Variants in VBP1 observed in about 807,000 individuals in gnomAD.
VBP1 encodes prefoldin subunit 3.
VBP1 carries 4 observed loss-of-function variants against 15.5 expected under a neutral mutation model. The observed-to-expected ratio is 0.26, with a 90% CI of 0.13 to 0.59. The LOEUF (loss-of-function observed/expected upper bound fraction) is 0.59, where lower values mean the gene tolerates loss of function less well. Among genes scored for constraint, VBP1 ranks in the 20% least tolerant of loss-of-function variants. The probability of loss-of-function intolerance (pLI) is 0.90; values close to 1 mark genes in which losing one functional copy is unlikely to be tolerated. For synonymous variants in VBP1, 61 were observed against 52.1 expected, an observed-to-expected ratio of 1.17 and a Z score of -0.74; for missense variants, 108 against 139.6, an observed-to-expected ratio of 0.77 and a Z score of 1.14.
chrX:155,208,866 A>G, intron 1 of VBP1: 2 of 1,101,658 alleles, frequency 1.8e-6, no homozygotes, highest in African/African-American at 1.8e-5. Context: ...TTCTTTTACA[A>G]TTCATAGGTT....
chrX:155,218,130 A>G (rs1298666128), intron 1 of VBP1, among the ~76,000 whole-genome samples: 1 of 111,917 alleles, frequency 8.9e-6, no homozygotes, highest in Non-Finnish European at 1.9e-5. Context: ...CTTTTTCCCT[A>G]CAATGTCGTG....
At chrX:155,213,596 T>C (rs189758834), upstream of VBP1, 4 of 115,143 alleles carry the variant, frequency 3.5e-5, no homozygotes, top group Admixed American at 3.6e-4. Flanking sequence ...AGCACATTAG[T>C]GTGACATTTA....
At chrX:155,227,489 C>G (rs1190974250) in intron 3 of VBP1, among the ~76,000 whole-genome samples, 188 bp downstream of exon 3, 1 of 112,362 alleles carries the variant, frequency 8.9e-6, no homozygotes, top group African/African-American at 3.2e-5. Context: ...CCCCAAAAGT[C>G]AAGTTTAATT....
intron 1 of VBP1, among the ~76,000 whole-genome samples, chrX:155,200,857 C>G (rs782280378): frequency 7.1e-4 from 78 of 109,759 alleles, no homozygotes; most frequent in African/African-American, 2.2e-3. Flanking sequence ...ATTGATAGAC[C>G]GCTAGCAAGA....
chrX:155,198,919 C>G (rs1557307025), intron 1 of VBP1, among the ~76,000 whole-genome samples: 2 of 111,766 alleles, frequency 1.8e-5, no homozygotes, highest in African/African-American at 6.5e-5. Context: ...CTTAAAGGAG[C>G]TGATGGAGCT....
intron 1 of VBP1, among the ~76,000 whole-genome samples, chrX:155,206,942 A>C (rs918488629): frequency 5.4e-5 from 6 of 111,214 alleles, no homozygotes; most frequent in African/African-American, 2.0e-4. Flanking sequence ...GTGTGCATGC[A>C]TGTTAGAACT....
At chrX:155,213,902 T>G (rs1557308740), upstream of VBP1, among the ~76,000 whole-genome samples, 1 of 112,591 alleles carries the variant, frequency 8.9e-6, no homozygotes, top group African/African-American at 3.2e-5. Flanking sequence ...TGTGTGCTAC[T>G]GGGCATGTCC....
chrX:155,197,100 A>G (rs2074581320), exon 1 of VBP1: 1 of 112,274 alleles, frequency 8.9e-6, no homozygotes, highest in Non-Finnish European at 1.9e-5. Flanking sequence ...GAAGACTGGA[A>G]GTGAAAACTG....
At chrX:155,236,194 A>C in intron 4 of VBP1, 35 bp from the exon 5 acceptor site, 1 of 1,194,086 alleles carries the variant, frequency 8.4e-7, no homozygotes, top group East Asian at 3.0e-5. Context: ...GCTCTGTGTA[A>C]ATATTGAGTA....
chrX:155,228,347 T>C (rs2074728497), intron 3 of VBP1, 37 bp from the exon 4 acceptor site: 1 of 1,099,215 alleles, frequency 9.1e-7, no homozygotes, highest in African/African-American at 1.9e-5. Context: ...CAAACTGGCC[T>C]GTTTATGGTA....
chrX:155,197,218 A>G (rs909343730), intron 1 of VBP1: 1 of 110,652 alleles, frequency 9.0e-6, no homozygotes, highest in African/African-American at 3.3e-5. Context: ...AAAAGTCACA[A>G]CTCTTTCTTT....
At chrX:155,197,938 C>T (rs1448608699) in intron 1 of VBP1, among the ~76,000 whole-genome samples, 1 of 112,471 alleles carries the variant, frequency 8.9e-6, no homozygotes, top group Non-Finnish European at 1.9e-5. Flanking sequence ...GCTTAAAAAA[C>T]GGCGCACCAG....
chrX:155,197,501 A>C (rs1557306776), intron 1 of VBP1, among the ~76,000 whole-genome samples: 1 of 112,167 alleles, frequency 8.9e-6, no homozygotes, highest in East Asian at 2.8e-4. Context: ...ACTAGTAGAA[A>C]ATTTACTTTT....
rs1238473661 is a variant in VBP1, at chrX:155,208,786, G to T, written c.-30-88G>T. The T allele has an allele frequency of 8.0e-6, 4 of 497,151 alleles. No individual in the cohort carries two copies. In the East Asian group the frequency reaches 1.5e-4, roughly 19 times the overall value. 41.0% of individuals were successfully genotyped at this position (497,151 alleles called of 1,213,427 possible). A position where few individuals can be genotyped will look rare whatever the true frequency, so the allele number is the denominator to read the frequency against. On this transcript the variant is annotated intron_variant, in intron 1 of 6. Coordinates refer to the VBP1 transcript ENST00000535916. The stretch of plus-strand genomic sequence containing the variant: ...ATTAATATAATATTTACTCTAGGGG[G>T]CTACTTGTTCTCATGGTACTATTGT...
chrX:155,211,880 C>T (rs980043899), upstream of VBP1, among the ~76,000 whole-genome samples: 8 of 111,782 alleles, frequency 7.2e-5, no homozygotes, highest in Non-Finnish European at 1.3e-4. Context: ...ATGTCTCAAA[C>T]CCTTGAGTTT....
chrX:155,212,291 C>A (rs979928539), upstream of VBP1, among the ~76,000 whole-genome samples: 1 of 111,906 alleles, frequency 8.9e-6, no homozygotes, highest in Non-Finnish European at 1.9e-5. Flanking sequence ...AACATGAAAG[C>A]AGAGTTTGAA....
intron 1 of VBP1, among the ~76,000 whole-genome samples, chrX:155,200,968 A>T (rs1158894351): frequency 9.0e-6 from 1 of 111,147 alleles, no homozygotes; most frequent in African/African-American, 3.3e-5. Context: ...ACCATCAGAG[A>T]ACACTACAAA....
At chrX:155,197,953 T>C (rs376071363) in intron 1 of VBP1, among the ~76,000 whole-genome samples, 1 of 112,021 alleles carries the variant, frequency 8.9e-6, no homozygotes, top group South Asian at 3.7e-4. Flanking sequence ...CACCAGGAGA[T>C]TATATCCTGC....
At chrX:155,200,435 A>G (rs1175467084) in intron 1 of VBP1, among the ~76,000 whole-genome samples, 33 of 111,306 alleles carry the variant, frequency 3.0e-4, no homozygotes, top group African/African-American at 1.0e-3. Flanking sequence ...CAGTCAAACT[A>G]GAACTCAGGA....
Sources: allele counts gnomAD v4.1 joint callset (sites outside exome capture counted in the v4.1 genomes callset), GRCh38; gene constraint gnomAD v4.1.1; transcripts MANE v1.5; gene names NCBI Gene and HGNC (gene_info 2026-07-23, HGNC 2026-07-21).